RAB3C: variants seen among roughly 807,000 people sequenced by gnomAD.
The protein encoded by RAB3C is RAB3C, member RAS oncogene family, also known as ras-related protein Rab-3C.
Under a neutral mutation model 26.4 loss-of-function variants are expected in RAB3C, and 17 were observed. That is an observed-to-expected ratio of 0.64 (90% CI 0.44 to 0.97). The LOEUF (loss-of-function observed/expected upper bound fraction) is 0.97, where lower values mean the gene tolerates loss of function less well. Among genes scored for constraint, RAB3C ranks in the 50% least tolerant of loss-of-function variants. RAB3C has a pLI of 0.00. For synonymous variants in RAB3C, 91 were observed against 95.9 expected, an observed-to-expected ratio of 0.95 and a Z score of 0.30; for missense variants, 242 against 281.9, an observed-to-expected ratio of 0.86 and a Z score of 1.01.
intron 3 of RAB3C, among the ~76,000 whole-genome samples, chr5:58,740,226 T>C (rs1741247815): frequency 6.6e-6 from 1 of 152,180 alleles, no homozygotes; most frequent in Non-Finnish European, 1.5e-5. Flanking sequence ...TTGCTAAGTT[T>C]TGGGCTGTTG....
chr5:58,793,553 C>T (rs1742577500), intron 3 of RAB3C, among the ~76,000 whole-genome samples: 1 of 148,246 alleles, frequency 6.7e-6, no homozygotes, highest in Non-Finnish European at 1.5e-5. Flanking sequence ...AAAAAAAATT[C>T]CTAAGTGTTA....
chr5:58,851,280 A>G lies in RAB3C; in HGVS notation c.613A>G (p.Ile205Val). Reference protein sequence around the residue: ...MSESLETDPAITAAKQNTRLK... With the variant: ...MSESLETDPAVTAAKQNTRLK... ...AGAGAGTTTGGAGACTGATCCTGCC[A>G]TCACTGCTGCAAAGCAGAACACGAG... The change falls in exon 5 of 5, where the codon ATC (isoleucine) becomes GTC (valine). Residue 205 changes from isoleucine (I) to valine (V), a missense_variant. By Grantham distance (29) the Ile-to-Val change is conservative. Coordinates refer to ENST00000282878, the MANE Select transcript of RAB3C (RefSeq NM_138453.4). 1 of 1,614,000 alleles carries G rather than the reference A, an allele frequency of 6.2e-7. No individual in the cohort carries two copies. The highest frequency in any genetic ancestry group is 8.5e-7 in the Non-Finnish European group (1 of 1,179,942).
chr5:58,810,374 T>TCTCTCTCG (rs35111075), intron 3 of RAB3C, among the ~76,000 whole-genome samples: 55,310 of 144,790 alleles, frequency 0.38, 11,686 homozygotes, highest in Middle Eastern at 0.57. Flanking sequence ...GCTCTCTCTC[T>TCTCTCTCG]CTCTCTCTCT....
intron 2 of RAB3C, among the ~76,000 whole-genome samples, chr5:58,718,165 A>G (rs1283902179): frequency 1.3e-5 from 2 of 152,100 alleles, no homozygotes; most frequent in Non-Finnish European, 2.9e-5. Flanking sequence ...CCCACTGGGA[A>G]AAAGTATGTC....
At chr5:58,647,618 A>G (rs757333156) in intron 2 of RAB3C, 6 of 152,218 alleles carry the variant, frequency 3.9e-5, no homozygotes, top group African/African-American at 7.2e-5. Context: ...TTCTCTCTCC[A>G]AAACTTTGAG....
chr5:58,716,681 GTA>G (rs1749179525), intron 2 of RAB3C, among the ~76,000 whole-genome samples: 1 of 151,634 alleles, frequency 6.6e-6, no homozygotes, highest in African/African-American at 2.4e-5. Context: ...TAAACTTGTG[GTA>G]TACTTTGATG....
intron 2 of RAB3C, among the ~76,000 whole-genome samples, chr5:58,659,060 G>A (rs61417301): frequency 0.032 from 4,803 of 152,154 alleles, 139 homozygotes; most frequent in African/African-American, 0.077. Context: ...GAATGAAGAC[G>A]GGTAGGTTTT....
rs139065380 is a variant in RAB3C, at chr5:58,721,557, G to A, written c.253-4445G>A. Among the ~76,000 whole-genome samples, 235 of 151,772 alleles carry A rather than the reference G, an allele frequency of 1.5e-3. 1 individual carries two copies. The highest frequency in any genetic ancestry group is 5.5e-3 in the African/African-American group (226 of 41,454). On this transcript the variant is annotated intron_variant, in intron 2 of 4. Coordinates refer to ENST00000282878, the MANE Select transcript of RAB3C (RefSeq NM_138453.4). ...TTAGTGGCACTTGACATTATAAAAT[G>A]TTTTTTTCTTTCAGATATAACCTTC...
intron 3 of RAB3C, among the ~76,000 whole-genome samples, chr5:58,751,961 T>A (rs1741536849): frequency 6.6e-6 from 1 of 152,118 alleles, no homozygotes. Context: ...GATACAGAAA[T>A]CAACTTTTCA....
intron 1 of RAB3C, among the ~76,000 whole-genome samples, chr5:58,592,525 T>C (rs1041756039): frequency 5.3e-5 from 8 of 152,168 alleles, no homozygotes; most frequent in African/African-American, 1.4e-4. Context: ...CCATTTCTGG[T>C]ACATAGTTTC....
intron 3 of RAB3C, among the ~76,000 whole-genome samples, chr5:58,762,817 A>C (rs1741826351): frequency 6.6e-6 from 1 of 152,230 alleles, no homozygotes; most frequent in South Asian, 2.1e-4. Flanking sequence ...CATCTGAGGA[A>C]ACTACAATAT....
intron 2 of RAB3C, among the ~76,000 whole-genome samples, chr5:58,716,705 C>A (rs1749179766): frequency 6.6e-6 from 1 of 151,530 alleles, no homozygotes; most frequent in Non-Finnish European, 1.5e-5. Flanking sequence ...TTTATCTAAA[C>A]CCTGTTTTTG....
rs73757941 is a variant in RAB3C at position 58,726,368 on chromosome 5, C to T, written c.371+248C>T. Among the ~76,000 whole-genome samples the T allele has an allele frequency of 9.9e-3, 1,512 of 152,044 alleles. 27 individuals are homozygous for T. Among genetic ancestry groups the T allele is most frequent in the African/African-American group, 0.034 (1,391 of 41,496 alleles). ...CCAGTGCTTTGCATTTTGTCATCATCGCTTCCATGGAAACTAGTGCATTGC... is the reference window on the plus strand; with the variant it reads ...CCAGTGCTTTGCATTTTGTCATCATTGCTTCCATGGAAACTAGTGCATTGC... On this transcript the variant is annotated intron_variant, in intron 3 of 4. Coordinates refer to ENST00000282878, the MANE Select transcript of RAB3C (RefSeq NM_138453.4).
At chr5:58,693,374 A>T in intron 2 of RAB3C, among the ~76,000 whole-genome samples, 1 of 143,338 alleles carries the variant, frequency 7.0e-6, no homozygotes. Flanking sequence ...AATTTCTTAA[A>T]ACCTTGCAAT....
intron 2 of RAB3C, among the ~76,000 whole-genome samples, chr5:58,722,599 C>G (rs1172030590): frequency 6.6e-6 from 1 of 151,782 alleles, no homozygotes; most frequent in Non-Finnish European, 1.5e-5. Flanking sequence ...AGAAAGCTTA[C>G]ACATATCACA....
At chr5:58,749,558 A>T (rs1443642025) in intron 3 of RAB3C, among the ~76,000 whole-genome samples, 2 of 152,204 alleles carry the variant, frequency 1.3e-5, no homozygotes, top group African/African-American at 4.8e-5. Context: ...TTCACAGGGA[A>T]GGTGACATTG....
At chr5:58,689,144 G>A (rs1401836410) in intron 2 of RAB3C, 1 of 152,088 alleles carries the variant, frequency 6.6e-6, no homozygotes, top group Non-Finnish European at 1.5e-5. Flanking sequence ...AGGTAGCATG[G>A]CTACTATGAG....
chr5:58,702,435 C>G (rs898581777), intron 2 of RAB3C, among the ~76,000 whole-genome samples: 17 of 152,200 alleles, frequency 1.1e-4, no homozygotes, highest in African/African-American at 4.1e-4. Context: ...TTTCTGCTGA[C>G]AGGCTCAACA....
intron 2 of RAB3C, among the ~76,000 whole-genome samples, chr5:58,709,151 A>G (rs1749008942): frequency 6.6e-6 from 1 of 152,238 alleles, no homozygotes; most frequent in African/African-American, 2.4e-5. Flanking sequence ...TTAACCCCTA[A>G]AGAGAATTCA....
Sources: gnomAD v4.1 joint callset for allele counts (sites outside exome capture counted in the v4.1 genomes callset) on GRCh38, gnomAD v4.1.1 for gene constraint, MANE v1.5 for transcripts, NCBI Gene and HGNC (gene_info 2026-07-23, HGNC 2026-07-21) for gene names.